Variants in PCSK5 observed in about 807,000 individuals in gnomAD.
PCSK5 encodes the protein proprotein convertase subtilisin/kexin type 5.
A neutral mutation model predicts 233.2 loss-of-function variants in PCSK5; 129 were observed. The observed-to-expected ratio is 0.55, with a 90% CI of 0.48 to 0.64. The LOEUF (loss-of-function observed/expected upper bound fraction) is 0.64, where lower values mean the gene tolerates loss of function less well. Among genes scored for constraint, PCSK5 ranks in the 30% least tolerant of loss-of-function variants. The probability of loss-of-function intolerance (pLI) is 0.00; values close to 1 mark genes in which losing one functional copy is unlikely to be tolerated. For synonymous variants in PCSK5, 825 were observed against 879.2 expected (o/e 0.94, Z 1.09); for missense variants, 2,076 against 2,430.1 (o/e 0.85, Z 3.06).
At chr9:76,315,853 A>G (rs1482188116) in intron 30 of PCSK5, among the ~76,000 whole-genome samples, 1 of 151,000 alleles carries the variant, frequency 6.6e-6, no homozygotes, top group East Asian at 1.9e-4. Flanking sequence ...GCTGGTCTTG[A>G]ATTCCTGACC....
At chr9:76,188,948 T>C in intron 18 of PCSK5, 146 bp from the exon 19 acceptor site, 1 of 764,126 alleles carries the variant, frequency 1.3e-6, no homozygotes, top group East Asian at 2.8e-5. Flanking sequence ...CTTTGAAGGC[T>C]TTTTTCCCAG....
chr9:76,198,857 G>C (rs1005468089), intron 20 of PCSK5, among the ~76,000 whole-genome samples: 1 of 152,152 alleles, frequency 6.6e-6, no homozygotes, highest in Non-Finnish European at 1.5e-5. Flanking sequence ...ATAAAATATT[G>C]TCAGGAGTCA....
chr9:75,961,335 C>T (rs1413214672), intron 2 of PCSK5, among the ~76,000 whole-genome samples: 1 of 152,156 alleles, frequency 6.6e-6, no homozygotes, highest in African/African-American at 2.4e-5. Context: ...TCAATTGGTG[C>T]CAAGAGTAAT....
chr9:76,112,507 C>T (rs1832262692), intron 9 of PCSK5, among the ~76,000 whole-genome samples: 3 of 152,104 alleles, frequency 2.0e-5, no homozygotes, highest in Admixed American at 1.3e-4. Context: ...CAGACATATA[C>T]ACATTCACAT....
chr9:76,328,480 G>C (rs963237298), intron 33 of PCSK5, among the ~76,000 whole-genome samples: 1 of 152,054 alleles, frequency 6.6e-6, no homozygotes, highest in Admixed American at 6.6e-5. Context: ...TCATTTGTTC[G>C]TGGGCTCTCT....
At chr9:76,253,876 A>G (rs1188347379) in intron 24 of PCSK5, among the ~76,000 whole-genome samples, 2 of 152,196 alleles carry the variant, frequency 1.3e-5, no homozygotes, top group Non-Finnish European at 2.9e-5. Flanking sequence ...CAAAGGAAGT[A>G]GTTGGCTTAG....
At chr9:75,940,201 A>C (rs1166500394) in intron 2 of PCSK5, among the ~76,000 whole-genome samples, 1 of 152,304 alleles carries the variant, frequency 6.6e-6, no homozygotes. Context: ...GTTGGTTATA[A>C]TCTGCTTGCC....
intron 5 of PCSK5, among the ~76,000 whole-genome samples, chr9:76,058,254 G>A (rs1829896395): frequency 6.6e-6 from 1 of 152,094 alleles, no homozygotes; most frequent in South Asian, 2.1e-4. Flanking sequence ...TTTCGAGAGT[G>A]AGCAACCAAC....
chr9:76,095,026 T>C (rs1831450673), intron 7 of PCSK5, among the ~76,000 whole-genome samples: 1 of 152,242 alleles, frequency 6.6e-6, no homozygotes, highest in African/African-American at 2.4e-5. Context: ...TTGGAAAAAT[T>C]ATATTAGACT....
In PCSK5 at chr9:76,199,533, G is replaced by A. The variant is rs566211517; in HGVS notation, c.2626+9787G>A. Among the ~76,000 whole-genome samples the A allele has an allele frequency of 7.9e-5, 12 of 152,260 alleles. No homozygotes were observed. In the South Asian group the frequency reaches 8.3e-4, roughly 11 times the overall value. On this transcript the variant is annotated intron_variant, in intron 20 of 37. Coordinates refer to ENST00000674117, the MANE Select transcript of PCSK5 (RefSeq NM_001372043.1). The stretch of plus-strand genomic sequence containing the variant: ...AGAATCTTCATAGCCCTGCAAAGGA[G>A]GGAGGAAGTCACTATTCACCCTCTA...
chr9:75,927,556 C>T (rs1357354390), intron 1 of PCSK5, among the ~76,000 whole-genome samples: 1 of 152,076 alleles, frequency 6.6e-6, no homozygotes, highest in Non-Finnish European at 1.5e-5. Context: ...TAACTATGTA[C>T]AAGGAAGCTG....
chr9:76,323,258 T>C lies in PCSK5; in HGVS notation c.4309T>C (p.Tyr1437His). 1.2e-6 allele frequency: 2 copies of C among 1,611,402 alleles called. No homozygotes were observed. Among genetic ancestry groups the C allele is most frequent in the Non-Finnish European group, 1.7e-6 (2 of 1,178,580 alleles). ...CTTGGAGGAGTGTCCAGCAGGAACC[T>C]ATTATGAAAAGGAGACTAAGGAGTG... Reference protein sequence around the residue: ...LCLEECPAGTYYEKETKECRD... With the variant: ...LCLEECPAGTHYEKETKECRD... Residue 1437 changes from tyrosine (Y) to histidine (H), a missense_variant, in exon 32 of 38, where the codon TAT becomes CAT. By Grantham distance (83) the Tyr-to-His change is moderately conservative. Coordinates refer to ENST00000674117, the MANE Select transcript of PCSK5 (RefSeq NM_001372043.1).
chr9:75,984,877 C>T (rs1036093083), intron 2 of PCSK5, among the ~76,000 whole-genome samples: 7 of 152,192 alleles, frequency 4.6e-5, no homozygotes, highest in African/African-American at 1.7e-4. Flanking sequence ...ATCCTTGCTG[C>T]TCCACTTTGA....
intron 1 of PCSK5, among the ~76,000 whole-genome samples, chr9:75,932,022 T>C (rs1823829059): frequency 6.6e-6 from 1 of 152,190 alleles, no homozygotes; most frequent in Non-Finnish European, 1.5e-5. Context: ...TATAACTAGA[T>C]AGCTATTTGA....
intron 21 of PCSK5, among the ~76,000 whole-genome samples, chr9:76,229,462 T>C (rs986660788): frequency 6.6e-6 from 1 of 152,230 alleles, no homozygotes; most frequent in East Asian, 1.9e-4. Context: ...AGGATCCTCA[T>C]TGCCCAACCT....
intron 24 of PCSK5, among the ~76,000 whole-genome samples, chr9:76,245,645 G>C (rs892479371): frequency 1.3e-5 from 2 of 152,162 alleles, no homozygotes; most frequent in African/African-American, 4.8e-5. Flanking sequence ...GAAATATAAG[G>C]AAATAGGCAA....
At chr9:76,314,008 A>G (rs532859849) in intron 30 of PCSK5, among the ~76,000 whole-genome samples, 231 of 152,368 alleles carry the variant, frequency 1.5e-3, no homozygotes, top group African/African-American at 5.2e-3. Flanking sequence ...CCTCAGTGGT[A>G]GGATTGAACT....
intron 2 of PCSK5, among the ~76,000 whole-genome samples, chr9:75,951,744 TAATAA>T (rs1159081687): frequency 1.9e-4 from 29 of 151,850 alleles, no homozygotes; most frequent in Non-Finnish European, 3.4e-4. Context: ...AATAAAATAA[TAATAA>T]AATAAATAAC....
chr9:76,186,584 A>G (rs1033169968), intron 17 of PCSK5, among the ~76,000 whole-genome samples: 1 of 152,182 alleles, frequency 6.6e-6, no homozygotes, highest in Non-Finnish European at 1.5e-5. Context: ...TGGAAGCAGC[A>G]GAAAGCTTCA....
Sources: gnomAD v4.1 joint callset for allele counts (sites outside exome capture counted in the v4.1 genomes callset) on GRCh38, gnomAD v4.1.1 for gene constraint, MANE v1.5 for transcripts, NCBI Gene and HGNC (gene_info 2026-07-23, HGNC 2026-07-21) for gene names.